Variants in PHF21B observed in about 807,000 individuals in gnomAD.
PHF21B encodes PHD finger protein 4.
In PHF21B, 22 loss-of-function variants were observed where a neutral mutation model predicts 62.2. The ratio of observed to expected loss-of-function variants is 0.35; its 90% CI spans 0.25 to 0.51. The LOEUF is 0.51. Ranked by LOEUF, PHF21B falls within the 20% of genes least tolerant of loss-of-function variation. The probability of loss-of-function intolerance (pLI) is 0.97; values close to 1 mark genes in which losing one functional copy is unlikely to be tolerated. For synonymous variants in PHF21B, 341 were observed against 314.7 expected (o/e 1.08, Z -0.88); for missense variants, 701 against 707.9 (o/e 0.99, Z 0.11).
intron 2 of PHF21B, among the ~76,000 whole-genome samples, chr22:44,976,944 C>T (rs1160552702): frequency 6.6e-6 from 1 of 152,112 alleles, no homozygotes; most frequent in South Asian, 2.1e-4. Flanking sequence ...TCAAGACCAG[C>T]CTGGGCAACA....
intron 2 of PHF21B, among the ~76,000 whole-genome samples, chr22:44,953,786 T>C (rs1217520322): frequency 6.6e-6 from 1 of 152,250 alleles, no homozygotes; most frequent in East Asian, 1.9e-4. Flanking sequence ...TAACATCTTA[T>C]GGATTTTTAG....
rs191814095 is a variant in PHF21B, at chr22:44,968,888, T to C, written c.120+39657A>G. 5.9e-5 allele frequency: 9 copies of C among 152,352 alleles called. No individual in the cohort carries two copies. The East Asian group carries it at 1.7e-3, about 29-fold the overall frequency. The allele number at this position is 152,352 out of a possible 1,614,324, so 9.4% of individuals were successfully genotyped here. A position where few individuals can be genotyped will look rare whatever the true frequency, so the allele number is the denominator to read the frequency against. On this transcript the variant is annotated intron_variant, in intron 2 of 12. Transcript: ENST00000313237. ...GGAATACTCAACCTGTCCTACTTTA[T>C]TGACTTTGTAGCTCAAACTGCTCCA...
chr22:44,949,346 G>GGTGATCAT (rs1449571206), intron 2 of PHF21B, among the ~76,000 whole-genome samples: 1 of 151,522 alleles, frequency 6.6e-6, no homozygotes, highest in Non-Finnish European at 1.5e-5. Context: ...AGCTGAGGTA[G>GGTGATCAT]GTGATCATGC....
Position 44,894,062 on chromosome 22 carries a change from C to T in PHF21B, c.884-529G>A, listed in dbSNP as rs1040057460. Among the ~76,000 whole-genome samples, 6 of 152,172 alleles carry T rather than the reference C, an allele frequency of 3.9e-5. No individual in the cohort carries two copies. In the South Asian group the frequency reaches 8.3e-4, roughly 21 times the overall value. On this transcript the variant is annotated intron_variant, in intron 6 of 12. Coordinates refer to ENST00000313237, the MANE Select transcript of PHF21B (RefSeq NM_138415.5). Reference sequence around the variant, plus strand: ...TCTTTTCCTTTTTCTTTGCTTTGACCCCCAGGCAGGACCCATGACCTGCCT... The same window carrying T: ...TCTTTTCCTTTTTCTTTGCTTTGACTCCCAGGCAGGACCCATGACCTGCCT...
At chr22:44,888,336 G>A (rs973448743) in intron 9 of PHF21B, among the ~76,000 whole-genome samples, 8 of 152,200 alleles carry the variant, frequency 5.3e-5, no homozygotes, top group Non-Finnish European at 1.2e-4. Flanking sequence ...GGCACCCACA[G>A]GGCCAGATTT....
chr22:44,915,965 T>G (rs933643190), intron 4 of PHF21B, among the ~76,000 whole-genome samples: 2 of 152,220 alleles, frequency 1.3e-5, no homozygotes, highest in Non-Finnish European at 2.9e-5. Context: ...AATTGGTTAA[T>G]CATTTGAATG....
intron 2 of PHF21B, among the ~76,000 whole-genome samples, chr22:44,999,207 CAGAGCAATCTTCAGAAAG>C (rs1301260874): frequency 6.6e-6 from 1 of 152,210 alleles, no homozygotes; most frequent in East Asian, 1.9e-4. Flanking sequence ...AAAAACAACA[CAGAGCAATCTTCAGAAAG>C]CATATTCGTT....
At position 44,891,353 on chromosome 22, in the gene PHF21B, C is replaced by T. The variant is rs752863363; in HGVS notation, c.968G>A (p.Arg323Gln). The T allele has an allele frequency of 1.2e-6, 2 of 1,613,898 alleles. No homozygotes were observed. Among genetic ancestry groups the T allele is most frequent in the South Asian group, 1.1e-5 (1 of 90,888 alleles). ...YSGLLETERK[R>Q]LASNYLNNPL... ...GTTGTTGAGATAGTTGGAGGCCAGC[C>T]GTTTCCTCTGCAGGGACAGAAAACA... The change falls in exon 8 of 13, where the codon CGG (arginine) becomes CAG (glutamine). Residue 323 changes from arginine to glutamine, a missense_variant. Transcript: ENST00000313237.
chr22:44,961,562 T>A (rs146526299), intron 2 of PHF21B, among the ~76,000 whole-genome samples: 1 of 152,086 alleles, frequency 6.6e-6, no homozygotes, highest in Non-Finnish European at 1.5e-5. Context: ...GCCTACAGGC[T>A]GGGCGTGGTG....
intron 5 of PHF21B, among the ~76,000 whole-genome samples, chr22:44,901,234 T>C (rs896214931): frequency 2.0e-5 from 3 of 152,174 alleles, no homozygotes; most frequent in African/African-American, 7.2e-5. Context: ...GCAGGGACTC[T>C]AGGATGCCCT....
intron 5 of PHF21B, among the ~76,000 whole-genome samples, chr22:44,903,585 T>C (rs530840904): frequency 1.4e-4 from 21 of 152,246 alleles, no homozygotes; most frequent in Non-Finnish European, 2.6e-4. Context: ...CCCTGTGGGA[T>C]CAACTGGCTT....
intron 7 of PHF21B, 108 bp from the exon 8 acceptor site, chr22:44,891,468 G>A: frequency 7.4e-7 from 1 of 1,349,512 alleles, no homozygotes; most frequent in Non-Finnish European, 1.0e-6. Flanking sequence ...CCCACCCAGG[G>A]CTCCAGGCTC....
chr22:44,905,301 T>C (rs1034782221), intron 5 of PHF21B, among the ~76,000 whole-genome samples: 23 of 152,374 alleles, frequency 1.5e-4, no homozygotes, highest in Middle Eastern at 3.4e-3. Flanking sequence ...TAATTATCTC[T>C]GTTCCTGCCG....
Position 45,009,702 on chromosome 22 carries a change from G to A in PHF21B, c.-153C>T. 1 of 662,544 alleles carries A rather than the reference G, an allele frequency of 1.5e-6. No homozygotes were observed. The allele number at this position is 662,544 out of a possible 1,614,324, so 41.0% of individuals were successfully genotyped here. On this transcript the variant is annotated 5_prime_UTR_variant, in exon 1 of 13. Coordinates refer to ENST00000313237, the MANE Select transcript of PHF21B (RefSeq NM_138415.5). This position sits in a 1 kb window ranked among gnomAD's most constrained non-coding sequence, Gnocchi z 5.9. ...CCCCTCCCCCACGGCCGAAAGGGAA[G>A]GGGGCTGGCGAAGGGGAAGACAGGC...
chr22:44,972,949 A>C (rs1347999068), intron 2 of PHF21B, among the ~76,000 whole-genome samples: 1 of 152,174 alleles, frequency 6.6e-6, no homozygotes, highest in Non-Finnish European at 1.5e-5. Flanking sequence ...AGAGATGAGG[A>C]GGCACACCCT....
chr22:44,968,138 C>A (rs563856304), intron 2 of PHF21B, among the ~76,000 whole-genome samples: 26 of 152,264 alleles, frequency 1.7e-4, no homozygotes, highest in African/African-American at 6.3e-4. Context: ...GAGAAAGCCA[C>A]TGCGCCCAGC....
At chr22:44,987,014 G>C (rs772871516) in intron 2 of PHF21B, among the ~76,000 whole-genome samples, 7 of 152,208 alleles carry the variant, frequency 4.6e-5, no homozygotes, top group Non-Finnish European at 8.8e-5. Context: ...TTCATACCTC[G>C]AGAGAGGCTA....
chr22:44,989,578 C>T (rs913877853), intron 2 of PHF21B: 5 of 146,170 alleles, frequency 3.4e-5, no homozygotes, highest in Non-Finnish European at 5.9e-5. Flanking sequence ...AATAATAGAA[C>T]GTCTACACAA....
At chr22:44,985,064 G>A (rs2072921785) in intron 2 of PHF21B, among the ~76,000 whole-genome samples, 1 of 152,190 alleles carries the variant, frequency 6.6e-6, no homozygotes, top group Non-Finnish European at 1.5e-5. Context: ...AGGAACACAA[G>A]GAACTTCACT....
Sources: gnomAD v4.1 joint callset for allele counts (sites outside exome capture counted in the v4.1 genomes callset) on GRCh38, gnomAD v4.1.1 for gene constraint, Gnocchi (gnomAD v3.1) non-coding constraint, MANE v1.5 for transcripts, NCBI Gene and HGNC (gene_info 2026-07-23, HGNC 2026-07-21) for gene names.